DDX51: variants seen among roughly 807,000 people sequenced by gnomAD.
DDX51 encodes the protein ATP-dependent RNA helicase DDX51.
In DDX51, 67 loss-of-function variants were observed where a neutral mutation model predicts 74.6. The observed-to-expected ratio is 0.90, with a 90% confidence interval of 0.74 to 1.10. DDX51 has a LOEUF of 1.10. DDX51 is among the 50% of genes least tolerant of loss of function. The probability of loss-of-function intolerance (pLI) is 0.00; values close to 1 mark genes in which losing one functional copy is unlikely to be tolerated. For missense variants in DDX51, 1,056 were observed against 905.2 expected, an observed-to-expected ratio of 1.17 and a Z score of -2.14; for synonymous variants, 545 against 402.9, an observed-to-expected ratio of 1.35 and a Z score of -4.22.
rs762132148 is a variant in DDX51 at position 132,142,130 on chromosome 12, G to A, written c.877C>T (p.Leu293=). 1.9e-6 allele frequency: 3 copies of A among 1,544,860 alleles called. No homozygotes were observed. The highest frequency in any genetic ancestry group is 2.3e-5 in the East Asian group (1 of 44,330). ...TAGGGTCCACATACCTGCTGGGCCA[G>A]CTCCTTGGTGGGCAGCACAACCAGG... The part of the protein sequence containing the change: ...RALVVLPTKE[L]AQQVSKVFNI... Residue 293 remains leucine (L), a synonymous_variant, in exon 5 of 15, where the codon CTG becomes TTG. Coordinates refer to ENST00000397333, the MANE Select transcript of DDX51 (RefSeq NM_175066.4).
chr12:132,142,700 C>G (rs1467449430), intron 3 of DDX51, 28 bp downstream of exon 3: 1 of 1,610,344 alleles, frequency 6.2e-7, no homozygotes, highest in Non-Finnish European at 8.5e-7. Flanking sequence ...GAGGTGTTCC[C>G]TCAGCTGCCT....
Position 132,142,876 on chromosome 12 carries a change from G to A in DDX51, c.522C>T (p.Val174=), listed in dbSNP as rs1465663476. Residue 174 remains valine (V), a splice_region_variant and synonymous_variant, in exon 3 of 15, where the codon GTC becomes GTT. Coordinates refer to ENST00000397333, the MANE Select transcript of DDX51 (RefSeq NM_175066.4). ...GGFGKRKAPK[V]QPFLPRWLAE... is the part of the protein sequence containing the mutation. Reference sequence around the variant, plus strand: ...CCAGCCACCTTGGCAGGAAAGGCTGGACCTGCCATCAAAAAGAAAGAGAGG... The same window carrying A: ...CCAGCCACCTTGGCAGGAAAGGCTGAACCTGCCATCAAAAAGAAAGAGAGG... 1 of 1,612,484 alleles carries A rather than the reference G, an allele frequency of 6.2e-7. No homozygotes were observed.
chr12:132,142,891 A>G lies in DDX51; in HGVS notation c.520-13T>C, dbSNP rs774984378. ...GGAAAGGCTGGACCTGCCATCAAAAAGAAAGAGAGGCCAGGTGAGCGCTTT... is the reference window on the plus strand; with the variant it reads ...GGAAAGGCTGGACCTGCCATCAAAAGGAAAGAGAGGCCAGGTGAGCGCTTT... On this transcript the variant is annotated splice_polypyrimidine_tract_variant and intron_variant, in intron 2 of 14. Coordinates refer to ENST00000397333, the MANE Select transcript of DDX51 (RefSeq NM_175066.4). 6 of 1,612,312 alleles carry G rather than the reference A, an allele frequency of 3.7e-6. No individual in the cohort carries two copies. The highest frequency in any genetic ancestry group is 5.1e-6 in the Non-Finnish European group (6 of 1,179,964).
rs979149683 is a variant in DDX51, at chr12:132,136,703, G to C, written c.*2569C>G. ...AGATGTCAAGGTTTCTTTTTTTTCTGTCGCCAGGCTGCAGTGCAGTGGGCT... is the reference window on the plus strand; with the variant it reads ...AGATGTCAAGGTTTCTTTTTTTTCTCTCGCCAGGCTGCAGTGCAGTGGGCT... On this transcript the variant is annotated 3_prime_UTR_variant, in exon 15 of 15. Transcript: ENST00000397333. 1.3e-5 allele frequency: 2 copies of C among 152,192 alleles called. No homozygotes were observed. Among genetic ancestry groups the C allele is most frequent in the South Asian group, 4.1e-4 (2 of 4,854 alleles). The allele number at this position is 152,192 out of a possible 1,614,324, so 9.4% of individuals were successfully genotyped here.
chr12:132,142,040 C>A (rs1897486075), intron 5 of DDX51, 79 bp downstream of exon 5: 2 of 1,603,072 alleles, frequency 1.2e-6, no homozygotes, highest in African/African-American at 2.7e-5. Flanking sequence ...AATCTGGGTC[C>A]CCCAGGGGCT....
At chr12:132,141,212 G>A (rs559305050) in intron 8 of DDX51, 63 bp downstream of exon 8, 22 of 1,524,116 alleles carry the variant, frequency 1.4e-5, no homozygotes, top group South Asian at 3.7e-5. Context: ...CATTAAGGAA[G>A]GAGAGCTGTG....
Position 132,139,073 on chromosome 12 carries a change from G to A in DDX51, c.*199C>T. 2 of 698,106 alleles carry A rather than the reference G, an allele frequency of 2.9e-6. No individual in the cohort carries two copies. Among genetic ancestry groups the A allele is most frequent in the Non-Finnish European group, 4.7e-6 (2 of 422,326 alleles). The allele number at this position is 698,106 out of a possible 1,614,324, so 43.2% of individuals were successfully genotyped here. Reference sequence around the variant, plus strand: ...GACCTCCACACTCTGAAAGTGACAAGCCCTGAAGTCTCCAGTCGGGGCAGG... The same window carrying A: ...GACCTCCACACTCTGAAAGTGACAAACCCTGAAGTCTCCAGTCGGGGCAGG... On this transcript the variant is annotated 3_prime_UTR_variant, in exon 15 of 15. Coordinates refer to ENST00000397333, the MANE Select transcript of DDX51 (RefSeq NM_175066.4).
intron 8 of DDX51, 59 bp downstream of exon 8, chr12:132,141,216 A>T: frequency 6.6e-7 from 1 of 1,525,306 alleles, no homozygotes; most frequent in Non-Finnish European, 8.7e-7. Flanking sequence ...AAGGAAGGAG[A>T]GCTGTGTGCA....
At position 132,142,920 on chromosome 12, in the gene DDX51, G is replaced by C. The variant is rs746386339; in HGVS notation, c.520-42C>G. Reference sequence around the variant, plus strand: ...AGAGAGGCCAGGTGAGCGCTTTCCAGGCTCTCGCGCAGAAGCCCACGGTGG... The same window carrying C: ...AGAGAGGCCAGGTGAGCGCTTTCCACGCTCTCGCGCAGAAGCCCACGGTGG... On this transcript the variant is annotated intron_variant, in intron 2 of 14. Transcript: ENST00000397333. The C allele has an allele frequency of 6.2e-6, 10 of 1,609,046 alleles. No homozygotes were observed. The Admixed American group carries it at 1.5e-4, about 24-fold the overall frequency.
chr12:132,141,915 C>T lies in DDX51; in HGVS notation c.930G>A (p.Leu310=). 1 of 1,613,200 alleles carries T rather than the reference C, an allele frequency of 6.2e-7. No homozygotes were observed. The highest frequency in any genetic ancestry group is 8.5e-7 in the Non-Finnish European group (1 of 1,180,010). ...TCTGTCCCGTAACCAGGGAGACTCT[C>T]AGAGGTGTGGCATCTGTGTAGATGT... is the stretch of plus-strand genomic sequence containing the variant. ...VFNIYTDATP[L]RVSLVTGQKS... Residue 310 remains leucine (L), a synonymous_variant, in exon 6 of 15, where the codon CTG becomes CTA. Coordinates refer to ENST00000397333, the MANE Select transcript of DDX51 (RefSeq NM_175066.4).
At chr12:132,142,078 G>A (rs1396370368) in intron 5 of DDX51, 41 bp downstream of exon 5, 12 of 1,565,290 alleles carry the variant, frequency 7.7e-6, no homozygotes, top group African/African-American at 1.4e-5. Context: ...CAGGGAAGCT[G>A]AGGCGGGCGG....
At position 132,142,743 on chromosome 12, in the gene DDX51, A is replaced by G; in HGVS notation, c.655T>C (p.Ser219Pro). Residue 219 changes from serine (S) to proline (P), a missense_variant, in exon 3 of 15, where the codon TCG (serine) becomes CCG (proline). By Grantham distance (74) the Ser-to-Pro change is moderately conservative. Transcript: ENST00000397333. ...GCTGGGGCACCTGGAAAGTAGGACG[A>G]GATGCCGTGTGCCCGCAGCTGCTTC... ...LQKQLRAHGI[S>P]SYFPVQAAVI... The G allele has an allele frequency of 1.2e-6, 2 of 1,612,852 alleles. No individual in the cohort carries two copies. The highest frequency in any genetic ancestry group is 1.7e-6 in the Non-Finnish European group (2 of 1,179,990).
Position 132,140,887 on chromosome 12 carries a change from C to T in DDX51, c.1384G>A (p.Glu462Lys). ...GAATCCCCGTCCCCATCTGTATCTT[C>T]CAGGCCCCTGTGTGCTAGCCCTGTG... ...FSTGLAHRGLEDTDGDGDSGK... is the reference protein window; with the variant it reads ...FSTGLAHRGLKDTDGDGDSGK... Residue 462 changes from glutamate to lysine, a missense_variant, in exon 9 of 15, where the codon GAA (glutamate) becomes AAA (lysine). Physicochemically the swap from Glu to Lys is moderately conservative, Grantham distance 56 (BLOSUM62 1). Coordinates refer to ENST00000397333, the MANE Select transcript of DDX51 (RefSeq NM_175066.4). 6.2e-7 allele frequency: 1 copy of T among 1,613,574 alleles called. No individual in the cohort carries two copies. The highest frequency in any genetic ancestry group is 8.5e-7 in the Non-Finnish European group (1 of 1,179,976).
At position 132,144,116 on chromosome 12, in the gene DDX51, C is replaced by G. The variant is rs1046883791; in HGVS notation, c.181G>C (p.Glu61Gln). The G allele has an allele frequency of 5.0e-5, 61 of 1,216,878 alleles. No homozygotes were observed. The Admixed American group carries it at 9.8e-4, about 20-fold the overall frequency. 75.4% of individuals were successfully genotyped at this position (1,216,878 alleles called of 1,614,324 possible). A position where few individuals can be genotyped will look rare whatever the true frequency, so the allele number is the denominator to read the frequency against. ...PAQTEAAASTEPATRRRRRPR... is the reference protein window; with the variant it reads ...PAQTEAAASTQPATRRRRRPR... Reference sequence around the variant, plus strand: ...CGCCGTCGCCTCCTGGTCGCCGGCTCGGTCGATGCAGCCGCCTCGGTCTGC... The same window carrying G: ...CGCCGTCGCCTCCTGGTCGCCGGCTGGGTCGATGCAGCCGCCTCGGTCTGC... The change falls in exon 1 of 15, where the codon GAG becomes CAG. Residue 61 changes from glutamate to glutamine, a missense_variant. Coordinates refer to ENST00000397333, the MANE Select transcript of DDX51 (RefSeq NM_175066.4).
chr12:132,143,667 G>A (rs1272399228), intron 2 of DDX51, 28 bp downstream of exon 2: 8 of 1,535,036 alleles, frequency 5.2e-6, no homozygotes, highest in Non-Finnish European at 6.1e-6. Context: ...CTCTCACGCC[G>A]ACCACCCTCC....
In DDX51 at chr12:132,139,943, A is replaced by G; in HGVS notation, c.1776-19T>C. On this transcript the variant is annotated intron_variant, in intron 12 of 14. Transcript: ENST00000397333. ...CCCAACCCTGGAATCAAACGCAGCT[A>G]TCTCCAGACTGGCCCCTGAGCCTTC... The G allele has an allele frequency of 6.2e-7, 1 of 1,612,838 alleles. No individual in the cohort carries two copies. Among genetic ancestry groups the G allele is most frequent in the Non-Finnish European group, 8.5e-7 (1 of 1,179,922 alleles).
In DDX51 at chr12:132,144,042, C is replaced by T. The variant is rs1897597348; in HGVS notation, c.255G>A (p.Glu85=). Residue 85 remains glutamate (E), a synonymous_variant, in exon 1 of 15, where the codon GAG becomes GAA. Transcript: ENST00000397333. ...CCTTCCGTCGCTTTCCCTGCGGCGC[C>T]TCCGGGCTCCCCGGCTCCGCGTCGT... ...RVNDAEPGSP[E]APQGKRRKAD... is the part of the protein sequence containing the mutation. 8 of 1,348,774 alleles carry T rather than the reference C, an allele frequency of 5.9e-6. No individual in the cohort carries two copies. Among genetic ancestry groups the T allele is most frequent in the Non-Finnish European group, 7.6e-6 (8 of 1,056,138 alleles). 83.6% of individuals were successfully genotyped at this position (1,348,774 alleles called of 1,614,324 possible).
chr12:132,143,273 C>T (rs979432319), intron 2 of DDX51: 1 of 405,714 alleles, frequency 2.5e-6, no homozygotes, highest in Non-Finnish European at 4.5e-6. Flanking sequence ...CCTGCCCTAC[C>T]TAAGGTGCCC....
rs1484312788 is a variant in DDX51, at chr12:132,136,597, G to C, written c.*2675C>G. 1 of 153,706 alleles carries C rather than the reference G, an allele frequency of 6.5e-6. No homozygotes were observed. Among genetic ancestry groups the C allele is most frequent in the East Asian group, 1.9e-4 (1 of 5,200 alleles). The allele number at this position is 153,706 out of a possible 1,614,324, so 9.5% of individuals were successfully genotyped here. On this transcript the variant is annotated 3_prime_UTR_variant, in exon 15 of 15. Coordinates refer to ENST00000397333, the MANE Select transcript of DDX51 (RefSeq NM_175066.4). ...AGACACACACACACACAGTGAGTTT[G>C]GAGCAGAAGTTTAATAAGCAAAAAG... is the stretch of plus-strand genomic sequence containing the variant.
Sources: gnomAD v4.1 joint callset for allele counts on GRCh38, gnomAD v4.1.1 for gene constraint, MANE v1.5 for transcripts, NCBI Gene and HGNC (gene_info 2026-07-23, HGNC 2026-07-21) for gene names.